Variants in SH3RF3 observed in about 807,000 individuals in gnomAD.
SH3RF3 encodes the protein E3 ubiquitin-protein ligase SH3RF3.
A neutral mutation model predicts 66.3 loss-of-function variants in SH3RF3; 29 were observed. The ratio of observed to expected loss-of-function variants is 0.44; its 90% CI spans 0.33 to 0.60. The LOEUF is 0.60. SH3RF3 is among the 20% of genes least tolerant of loss of function. The pLI is 0.04. For synonymous variants in SH3RF3, 583 were observed against 532.0 expected, an observed-to-expected ratio of 1.10 and a Z score of -1.32; for missense variants, 1,194 against 1,190.9, an observed-to-expected ratio of 1.00 and a Z score of -0.04.
rs536662409 is a variant in SH3RF3 at position 109,263,886 on chromosome 2, G to T, written c.574-83788G>T. Among the ~76,000 whole-genome samples the T allele has an allele frequency of 4.6e-5, 7 of 152,254 alleles. No homozygotes were observed. In the South Asian group the frequency reaches 1.5e-3, roughly 32 times the overall value. ...CGGGAGGCTGAGGCAGGAGAATGGT[G>T]TGAACCCAGGAGACGGAGCTTGCAG... On this transcript the variant is annotated intron_variant, in intron 1 of 9. Transcript: ENST00000309415.
chr2:109,337,448 A>C (rs1357940494), intron 1 of SH3RF3, among the ~76,000 whole-genome samples: 2 of 152,130 alleles, frequency 1.3e-5, no homozygotes, highest in Non-Finnish European at 2.9e-5. Flanking sequence ...CCCCTCGCAT[A>C]TGGCGAAATG....
At chr2:109,154,841 T>C (rs115167568) in intron 1 of SH3RF3, among the ~76,000 whole-genome samples, 43 of 152,318 alleles carry the variant, frequency 2.8e-4, no homozygotes, top group African/African-American at 9.6e-4. Flanking sequence ...CACTTTCTGC[T>C]ATGGCCTTGG....
At chr2:109,175,058 T>C (rs1677884759) in intron 1 of SH3RF3, among the ~76,000 whole-genome samples, 1 of 151,816 alleles carries the variant, frequency 6.6e-6, no homozygotes, top group South Asian at 2.1e-4. Context: ...CACAGCAAAA[T>C]CCCATATTTA....
chr2:109,156,759 T>C (rs528105043), intron 1 of SH3RF3, among the ~76,000 whole-genome samples: 1 of 152,068 alleles, frequency 6.6e-6, no homozygotes, highest in Admixed American at 6.6e-5. Flanking sequence ...TTAAGTTTTT[T>C]AAAAAGGGAT....
At chr2:109,379,433 C>CA in intron 3 of SH3RF3, among the ~76,000 whole-genome samples, 1 of 152,170 alleles carries the variant, frequency 6.6e-6, no homozygotes, top group East Asian at 1.9e-4. Context: ...GAGCCCCTCG[C>CA]ATGTTTGTTT....
chr2:109,428,336 G>A (rs1390492804), intron 5 of SH3RF3, among the ~76,000 whole-genome samples: 2 of 152,260 alleles, frequency 1.3e-5, no homozygotes, highest in African/African-American at 4.8e-5. Context: ...CAGACAATTA[G>A]CAGCAAGTAA....
intron 1 of SH3RF3, among the ~76,000 whole-genome samples, chr2:109,338,055 G>T (rs941764112): frequency 6.6e-6 from 1 of 152,062 alleles, no homozygotes; most frequent in Non-Finnish European, 1.5e-5. Context: ...GATGGAGCTT[G>T]CCAGTCTGTG....
chr2:109,330,378 C>T (rs1202037913), intron 1 of SH3RF3, among the ~76,000 whole-genome samples: 1 of 152,072 alleles, frequency 6.6e-6, no homozygotes, highest in Non-Finnish European at 1.5e-5. Context: ...CTTGTCTTGG[C>T]ATATCTCAGA....
intron 1 of SH3RF3, among the ~76,000 whole-genome samples, chr2:109,195,191 A>G (rs1345762585): frequency 7.9e-6 from 1 of 125,790 alleles, no homozygotes; most frequent in Non-Finnish European, 1.7e-5. Flanking sequence ...CTCATTGGAG[A>G]TGGGGCTAGG....
chr2:109,450,919 G>A (rs529362734), intron 8 of SH3RF3, among the ~76,000 whole-genome samples: 1 of 152,370 alleles, frequency 6.6e-6, no homozygotes, highest in South Asian at 2.1e-4. Context: ...ACTAGATGGT[G>A]TGTTCCAGGC....
chr2:109,404,822 AC>A (rs1198553047), intron 4 of SH3RF3, among the ~76,000 whole-genome samples: 1 of 152,058 alleles, frequency 6.6e-6, no homozygotes, highest in Non-Finnish European at 1.5e-5. Flanking sequence ...AGCCACAGTT[AC>A]CAATGCCCTG....
intron 2 of SH3RF3, among the ~76,000 whole-genome samples, chr2:109,354,577 T>A (rs1682907605): frequency 6.6e-6 from 1 of 152,228 alleles, no homozygotes; most frequent in East Asian, 1.9e-4. Context: ...AGGTTTTCAG[T>A]GATCGTGGCA....
chr2:109,149,771 G>A (rs1382527887), intron 1 of SH3RF3, among the ~76,000 whole-genome samples: 2 of 152,204 alleles, frequency 1.3e-5, no homozygotes, highest in African/African-American at 4.8e-5. Context: ...AGTGACAATT[G>A]GAAAACCTTA....
In SH3RF3 at chr2:109,160,637, C is replaced by T. The variant is rs1210230882; in HGVS notation, c.573+30524C>T. Among the ~76,000 whole-genome samples, 7 of 152,300 alleles carry T rather than the reference C, an allele frequency of 4.6e-5. No individual in the cohort carries two copies. The East Asian group carries it at 1.4e-3, about 29-fold the overall frequency. On this transcript the variant is annotated intron_variant, in intron 1 of 9. Transcript: ENST00000309415. The stretch of plus-strand genomic sequence containing the variant: ...AATGGAAAAGCTACATGAGGCCCAC[C>T]AGGTCCCAGAACTCAACAATGGTGG...
intron 1 of SH3RF3, among the ~76,000 whole-genome samples, chr2:109,135,773 G>A (rs563657712): frequency 9.2e-5 from 14 of 152,268 alleles, no homozygotes; most frequent in Non-Finnish European, 1.6e-4. Flanking sequence ...GCATCTATGC[G>A]GAGTAGTTGC....
At chr2:109,241,623 G>A (rs1446705349) in intron 1 of SH3RF3, among the ~76,000 whole-genome samples, 2 of 152,046 alleles carry the variant, frequency 1.3e-5, no homozygotes, top group Non-Finnish European at 2.9e-5. Context: ...CTGCTGGGAG[G>A]GCCCCTGGGA....
At chr2:109,498,366 T>G (rs927881089) in intron 9 of SH3RF3, among the ~76,000 whole-genome samples, 15 of 152,082 alleles carry the variant, frequency 9.9e-5, no homozygotes, top group Non-Finnish European at 1.8e-4. Context: ...CCTCCATGCC[T>G]CCTCCTCTTG....
At chr2:109,467,783 C>G (rs898128535) in intron 8 of SH3RF3, among the ~76,000 whole-genome samples, 8 of 152,174 alleles carry the variant, frequency 5.3e-5, no homozygotes, top group African/African-American at 1.9e-4. Context: ...CTGATCTGAC[C>G]GTTCTGCAGT....
At chr2:109,254,783 G>A (rs1229717851) in intron 1 of SH3RF3, among the ~76,000 whole-genome samples, 4 of 152,052 alleles carry the variant, frequency 2.6e-5, no homozygotes, top group African/African-American at 7.2e-5. Flanking sequence ...CCCCATGAGC[G>A]CTCCAGTTAA....
Sources: gnomAD v4.1 joint callset for allele counts (sites outside exome capture counted in the v4.1 genomes callset) on GRCh38, gnomAD v4.1.1 for gene constraint, MANE v1.5 for transcripts, NCBI Gene and HGNC (gene_info 2026-07-23, HGNC 2026-07-21) for gene names.